Variants in APOOL observed in about 807,000 individuals in gnomAD.
The protein encoded by APOOL is apolipoprotein O like.
APOOL carries 12 observed loss-of-function variants against 23.1 expected under a neutral mutation model. The ratio of observed to expected loss-of-function variants is 0.52; its 90% CI spans 0.33 to 0.84. The LOEUF (loss-of-function observed/expected upper bound fraction) is 0.84, where lower values mean the gene tolerates loss of function less well. APOOL is among the 40% of genes least tolerant of loss of function. The probability of loss-of-function intolerance (pLI) is 0.02; values close to 1 mark genes in which losing one functional copy is unlikely to be tolerated. For synonymous variants in APOOL, 77 were observed against 69.9 expected, an observed-to-expected ratio of 1.10 and a Z score of -0.51; for missense variants, 212 against 199.6, an observed-to-expected ratio of 1.06 and a Z score of -0.37.
In APOOL at chrX:85,093,158, A is replaced by T; in HGVS notation, c.*5480A>T. ...TTATTAAGAAAAGGTTAATGTATAG[A>T]ATATCAATACTAATTGTAATACATA... On this transcript the variant is annotated 3_prime_UTR_variant, in exon 9 of 9. Coordinates refer to ENST00000373173, the MANE Select transcript of APOOL (RefSeq NM_198450.6). 1 of 1,134,185 alleles carries T rather than the reference A, an allele frequency of 8.8e-7. No individual in the cohort carries two copies. 93.5% of individuals were successfully genotyped at this position (1,134,185 alleles called of 1,213,427 possible).
chrX:85,011,553 A>G (rs148658437), intron 1 of APOOL, among the ~76,000 whole-genome samples: 3,011 of 111,581 alleles, frequency 0.027, 91 homozygotes, highest in African/African-American at 0.092. Context: ...ATTCTTCTAC[A>G]TGTGGCTTGC....
chrX:85,062,806 A>T (rs1602779939), intron 5 of APOOL, among the ~76,000 whole-genome samples: 1 of 111,499 alleles, frequency 9.0e-6, no homozygotes, highest in Admixed American at 9.6e-5. Context: ...GATGGCTCCA[A>T]CTTTGTTCTT....
At chrX:85,039,329 TTGTG>T (rs748582265) in intron 1 of APOOL, among the ~76,000 whole-genome samples, 129 of 110,699 alleles carry the variant, frequency 1.2e-3, no homozygotes, top group African/African-American at 4.0e-3. Flanking sequence ...TTAGGGCTGA[TTGTG>T]TGGTCAATTT....
chrX:85,044,624 A>G (rs1402939050), intron 1 of APOOL, among the ~76,000 whole-genome samples: 1 of 111,089 alleles, frequency 9.0e-6, no homozygotes, highest in Non-Finnish European at 1.9e-5. Flanking sequence ...TGCCTCCTCA[A>G]TAAAAGTCAA....
intron 1 of APOOL, among the ~76,000 whole-genome samples, chrX:85,018,389 C>T (rs1921549498): frequency 9.1e-6 from 1 of 110,469 alleles, no homozygotes; most frequent in South Asian, 3.9e-4. Context: ...CCAGATCTTG[C>T]AAAAACTCAC....
chrX:85,013,013 G>T (rs1454830661), intron 1 of APOOL, among the ~76,000 whole-genome samples: 2 of 110,915 alleles, frequency 1.8e-5, no homozygotes, highest in Middle Eastern at 4.6e-3. Context: ...TTACTGTTTC[G>T]ATTTCGCTAT....
Position 85,087,699 on chromosome X carries a change from T to C in APOOL, c.*21T>C. ...GCTGAAGTAGACTGCATGCAGAGACTACACAGAAAACTACAAGATGTGTGG... is the reference window on the plus strand; with the variant it reads ...GCTGAAGTAGACTGCATGCAGAGACCACACAGAAAACTACAAGATGTGTGG... On this transcript the variant is annotated 3_prime_UTR_variant, in exon 9 of 9. Coordinates refer to ENST00000373173, the MANE Select transcript of APOOL (RefSeq NM_198450.6). 8.9e-7 allele frequency: 1 copy of C among 1,125,941 alleles called. No individual in the cohort carries two copies. Among genetic ancestry groups the C allele is most frequent in the Non-Finnish European group, 1.2e-6 (1 of 842,298 alleles). 92.8% of individuals were successfully genotyped at this position (1,125,941 alleles called of 1,213,427 possible).
chrX:85,073,880 TTA>T (rs1275782015), intron 6 of APOOL, 116 bp from the exon 7 acceptor site: 2 of 492,390 alleles, frequency 4.1e-6, no homozygotes, highest in Admixed American at 4.8e-5. Context: ...ATTTAGAGAT[TTA>T]TATCTTTATT....
intron 1 of APOOL, among the ~76,000 whole-genome samples, chrX:85,039,093 G>C (rs1045989913): frequency 2.7e-5 from 3 of 110,860 alleles, no homozygotes; most frequent in Non-Finnish European, 3.8e-5. Context: ...AGGGGTTCTG[G>C]TATGTTGTAT....
In APOOL at chrX:85,051,801, A is replaced by T. The variant is rs183086115; in HGVS notation, c.240+293A>T. On this transcript the variant is annotated intron_variant, in intron 3 of 8. Transcript: ENST00000373173. ...CTGGCACCTTGTTAAGGATGGCTGG[A>T]TGACTGGGTTCAGCTGGGATTATTG... Among the ~76,000 whole-genome samples, 3 of 111,742 alleles carry T rather than the reference A, an allele frequency of 2.7e-5. No individual in the cohort carries two copies. In the East Asian group the frequency reaches 8.5e-4, roughly 32 times the overall value.
chrX:85,079,450 G>T (rs1036005401), intron 8 of APOOL, among the ~76,000 whole-genome samples: 1 of 111,462 alleles, frequency 9.0e-6, no homozygotes, highest in Admixed American at 9.6e-5. Context: ...CGACTTAATT[G>T]TGGTGGATAA....
intron 1 of APOOL, among the ~76,000 whole-genome samples, chrX:85,004,981 G>C (rs1485554182): frequency 9.1e-6 from 1 of 109,637 alleles, no homozygotes; most frequent in Non-Finnish European, 1.9e-5. Flanking sequence ...GCTTTTTTAC[G>C]TGCTCTTTCT....
intron 2 of APOOL, among the ~76,000 whole-genome samples, chrX:85,050,266 T>TA (rs1274708839): frequency 1.8e-5 from 2 of 111,512 alleles, no homozygotes; most frequent in Non-Finnish European, 3.8e-5. Context: ...TAACTTTAGA[T>TA]AAAAAAACTG....
chrX:85,088,333 T>TTTTTG lies in APOOL; in HGVS notation c.*659_*660insGTTTT, dbSNP rs1924437466. On this transcript the variant is annotated 3_prime_UTR_variant, in exon 9 of 9. Coordinates refer to ENST00000373173, the MANE Select transcript of APOOL (RefSeq NM_198450.6). ...TTCCCTCTGTTTTTTTTTTTTTTTTTTTTTTTTTTTTTCCCATTTCCTAGA... is the reference window on the plus strand; with the variant it reads ...TTCCCTCTGTTTTTTTTTTTTTTTTTTTTTGTTTTTTTTTTTTCCCATTTCCTAGA... 1.2e-5 allele frequency: 1 copy of TTTTTG among 82,860 alleles called. No individual in the cohort carries two copies. The allele number at this position is 82,860 out of a possible 1,213,427, so 6.8% of individuals were successfully genotyped here.
At chrX:85,008,535 T>TTTGTGTG (rs778983009) in intron 1 of APOOL, among the ~76,000 whole-genome samples, 1,413 of 86,137 alleles carry the variant, frequency 0.016, 27 homozygotes, top group African/African-American at 0.058. Context: ...TGATAACCCG[T>TTTGTGTG]TGTGTGTGTG....
chrX:85,036,849 C>G (rs1164762395), intron 1 of APOOL, among the ~76,000 whole-genome samples: 4 of 110,627 alleles, frequency 3.6e-5, no homozygotes, highest in African/African-American at 1.3e-4. Flanking sequence ...CCTTGCATCC[C>G]TCTCATCCTT....
intron 8 of APOOL, among the ~76,000 whole-genome samples, chrX:85,076,447 A>C (rs1390519427): frequency 9.1e-6 from 1 of 110,112 alleles, no homozygotes; most frequent in African/African-American, 3.3e-5. Flanking sequence ...GTTATCAAAC[A>C]CCTCAAGCCT....
intron 5 of APOOL, among the ~76,000 whole-genome samples, chrX:85,059,420 A>C (rs1364470893): frequency 6.3e-5 from 7 of 110,286 alleles, no homozygotes; most frequent in Non-Finnish European, 1.3e-4. Flanking sequence ...GTCAAATGGT[A>C]TTTCTAGTTC....
In APOOL at chrX:85,005,394, ACCCCC is replaced by A. The variant is rs1299068150; in HGVS notation, c.15+1478_15+1482del. Among the ~76,000 whole-genome samples, 5 of 2,595 alleles carry A rather than the reference ACCCCC, an allele frequency of 1.9e-3. 1 individual carries two copies. Among genetic ancestry groups the A allele is most frequent in the African/African-American group, 5.8e-3 (5 of 859 alleles). The allele number at this position is 2,595 out of a possible 115,157, so 2.3% of individuals were successfully genotyped here. ...TCTCGAACTCCTGACCTCGTGATTC[ACCCCC>A]CCCCCCCCCCGGGCCTCCCAAAGTA... On this transcript the variant is annotated intron_variant, in intron 1 of 8. Transcript: ENST00000373173.
Sources: gnomAD v4.1 joint callset for allele counts (sites outside exome capture counted in the v4.1 genomes callset) on GRCh38, gnomAD v4.1.1 for gene constraint, MANE v1.5 for transcripts, NCBI Gene and HGNC (gene_info 2026-07-23, HGNC 2026-07-21) for gene names.